The following EBF1 variants were observed in gnomAD, a reference collection of about 807,000 sequenced individuals.
EBF1 encodes the protein transcription factor COE1.
A neutral mutation model predicts 68.4 loss-of-function variants in EBF1; 10 were observed. The observed-to-expected ratio is 0.15, with a 90% CI of 0.09 to 0.25. The LOEUF is 0.25. EBF1 is among the 10% of genes least tolerant of loss of function. EBF1 has a pLI of 1.00. For missense variants in EBF1, 509 were observed against 794.4 expected (o/e 0.64, Z 4.32); for synonymous variants, 298 against 299.8 (o/e 0.99, Z 0.06).
chr5:158,837,068 T>C (rs974299095), intron 7 of EBF1, among the ~76,000 whole-genome samples: 9 of 152,234 alleles, frequency 5.9e-5, no homozygotes, highest in Admixed American at 2.6e-4. Flanking sequence ...TAAGAGCTTG[T>C]CAGCGGTTAT....
chr5:158,903,962 G>A (rs7712935), intron 6 of EBF1, among the ~76,000 whole-genome samples: 56 of 152,176 alleles, frequency 3.7e-4, no homozygotes, highest in African/African-American at 1.2e-3. Context: ...TAAAAGACCC[G>A]GTAATCTAGG....
chr5:158,976,573 C>A (rs1756806841), intron 6 of EBF1, among the ~76,000 whole-genome samples: 1 of 152,052 alleles, frequency 6.6e-6, no homozygotes, highest in African/African-American at 2.4e-5. Context: ...ATATTAGCAG[C>A]CCTGATGCTG....
chr5:158,925,862 C>T lies in EBF1; in HGVS notation c.555-85752G>A, dbSNP rs964179732. 2.3e-4 allele frequency among the ~76,000 whole-genome samples: 35 copies of T among 152,184 alleles called. 1 individual carries two copies. Among genetic ancestry groups the T allele is most frequent in the African/African-American group, 8.0e-4 (33 of 41,442 alleles). ...TCAACTGTTTTTAAACTGAGAAGGT[C>T]ATGCTCTTGGAAGAGAATCAGTGTG... On this transcript the variant is annotated intron_variant, in intron 6 of 15. Coordinates refer to ENST00000313708, the MANE Select transcript of EBF1 (RefSeq NM_024007.5).
At chr5:159,099,270 CTGCCG>C (rs1783209466) in intron 1 of EBF1, 70 bp downstream of exon 1, 1 of 1,250,070 alleles carries the variant, frequency 8.0e-7, no homozygotes, top group Admixed American at 3.7e-5. Context: ...GCAGCTGCCG[CTGCCG>C]CTGCCGCCTC....
chr5:158,916,392 A>G (rs1375202343), intron 6 of EBF1, among the ~76,000 whole-genome samples: 2 of 152,218 alleles, frequency 1.3e-5, no homozygotes, highest in African/African-American at 4.8e-5. Flanking sequence ...GGCCACCTAT[A>G]TACTACTTAT....
chr5:159,073,377 AAAG>A lies in EBF1; in HGVS notation c.554+16_554+18del. ...TATAATGAGGAATAAGAATCCAGTG[AAAG>A]AAGAGTGGTCCCTACCTGTCAATTA... On this transcript the variant is annotated intron_variant, in intron 6 of 15. Transcript: ENST00000313708. 6.2e-7 allele frequency: 1 copy of A among 1,613,170 alleles called. No homozygotes were observed. The highest frequency in any genetic ancestry group is 8.5e-7 in the Non-Finnish European group (1 of 1,179,134).
chr5:158,794,069 T>A (rs1271147532), intron 9 of EBF1, among the ~76,000 whole-genome samples: 1 of 152,040 alleles, frequency 6.6e-6, no homozygotes, highest in African/African-American at 2.4e-5. Flanking sequence ...GCACAAATAT[T>A]TTGGGAAACA....
At chr5:158,958,632 T>TC (rs1817591333) in intron 6 of EBF1, among the ~76,000 whole-genome samples, 1 of 152,038 alleles carries the variant, frequency 6.6e-6, no homozygotes, top group Non-Finnish European at 1.5e-5. Context: ...CTCAGCATTT[T>TC]CCCCCCACAG....
At chr5:158,828,683 G>A (rs1225324845) in intron 7 of EBF1, among the ~76,000 whole-genome samples, 3 of 152,132 alleles carry the variant, frequency 2.0e-5, no homozygotes, top group African/African-American at 7.2e-5. Flanking sequence ...AGGAAGACTG[G>A]GTAATGGGTA....
chr5:158,772,854 T>A (rs1341477254), intron 10 of EBF1, among the ~76,000 whole-genome samples: 1 of 152,142 alleles, frequency 6.6e-6, no homozygotes, highest in Non-Finnish European at 1.5e-5. Context: ...CTAAATACAG[T>A]TCCATGATTC....
chr5:158,811,968 A>C (rs1402987008), intron 8 of EBF1, among the ~76,000 whole-genome samples: 1 of 152,126 alleles, frequency 6.6e-6, no homozygotes, highest in Non-Finnish European at 1.5e-5. Flanking sequence ...TGAGTCCCCC[A>C]GTTCTAAGCT....
intron 6 of EBF1, among the ~76,000 whole-genome samples, chr5:159,046,809 C>T (rs1283418247): frequency 1.3e-5 from 2 of 152,198 alleles, no homozygotes; most frequent in East Asian, 3.8e-4. Context: ...GGGAGCCCGG[C>T]TCTGTAGTGT....
chr5:158,853,676 G>A (rs1035902629), intron 6 of EBF1, among the ~76,000 whole-genome samples: 1 of 152,114 alleles, frequency 6.6e-6, no homozygotes, highest in African/African-American at 2.4e-5. Flanking sequence ...TCTCAAAAAT[G>A]TAAGAGAGAG....
chr5:158,943,168 G>A (rs1486206958), intron 6 of EBF1, among the ~76,000 whole-genome samples: 2 of 152,128 alleles, frequency 1.3e-5, no homozygotes, highest in African/African-American at 4.8e-5. Context: ...TGAATCTTCT[G>A]TCTTTCAGGA....
At chr5:158,968,848 T>C (rs538683825) in intron 6 of EBF1, among the ~76,000 whole-genome samples, 28 of 152,258 alleles carry the variant, frequency 1.8e-4, no homozygotes, top group African/African-American at 6.7e-4. Flanking sequence ...GCCACAAAAA[T>C]CTTGTTCCTT....
At chr5:158,722,379 G>A (rs952314869) in intron 11 of EBF1, among the ~76,000 whole-genome samples, 3 of 152,174 alleles carry the variant, frequency 2.0e-5, no homozygotes, top group African/African-American at 4.8e-5. Context: ...TTTTGGCTGT[G>A]GCTTCTTTCC....
chr5:159,063,201 C>T (rs1776165908), intron 6 of EBF1, among the ~76,000 whole-genome samples: 2 of 152,160 alleles, frequency 1.3e-5, no homozygotes, highest in Admixed American at 1.3e-4. Flanking sequence ...AACCTACCCT[C>T]CAAAGCGCTC....
chr5:158,914,166 A>C (rs968187250), intron 6 of EBF1, among the ~76,000 whole-genome samples: 2 of 152,096 alleles, frequency 1.3e-5, no homozygotes, highest in South Asian at 4.2e-4. Context: ...TTCATCTTAC[A>C]TGCATTTTTT....
chr5:158,990,809 G>A (rs1003783429), intron 6 of EBF1, among the ~76,000 whole-genome samples: 2 of 152,198 alleles, frequency 1.3e-5, no homozygotes, highest in African/African-American at 4.8e-5. Context: ...TTCCTATAAT[G>A]TGATCTGTCG....
Sources: gnomAD v4.1 joint callset for allele counts (sites outside exome capture counted in the v4.1 genomes callset) on GRCh38, gnomAD v4.1.1 for gene constraint, MANE v1.5 for transcripts, NCBI Gene and HGNC (gene_info 2026-07-23, HGNC 2026-07-21) for gene names.